The following DMGDH variants were observed in gnomAD, a reference collection of about 807,000 sequenced individuals.
DMGDH encodes the protein dimethylglycine dehydrogenase, also known as dimethylglycine dehydrogenase, mitochondrial.
DMGDH carries 76 observed loss-of-function variants against 95.2 expected under a neutral mutation model. The observed-to-expected ratio is 0.80, with a 90% CI of 0.66 to 0.97. DMGDH has a LOEUF of 0.97. Ranked by LOEUF, DMGDH falls within the 50% of genes least tolerant of loss-of-function variation. DMGDH has a pLI of 0.00. For synonymous variants in DMGDH, 345 were observed against 377.6 expected, an observed-to-expected ratio of 0.91 and a Z score of 1.00; for missense variants, 987 against 1,055.0, an observed-to-expected ratio of 0.94 and a Z score of 0.89.
At chr5:79,044,216 G>A (rs1418278280) in intron 6 of DMGDH, 88 bp downstream of exon 6, 5 of 1,580,212 alleles carry the variant, frequency 3.2e-6, no homozygotes, top group Non-Finnish European at 4.3e-6. Context: ...GTATTATGTT[G>A]TTGTCTTATT....
chr5:79,064,755 CT>C (rs202161601), intron 1 of DMGDH, among the ~76,000 whole-genome samples: 30 of 149,606 alleles, frequency 2.0e-4, no homozygotes, highest in Non-Finnish European at 3.6e-4. Context: ...ACTTTTCAAA[CT>C]TTTTTTTTTC....
At chr5:79,016,429 T>C (rs1163588791) in intron 14 of DMGDH, among the ~76,000 whole-genome samples, 1 of 152,164 alleles carries the variant, frequency 6.6e-6, no homozygotes, top group Admixed American at 6.5e-5. Context: ...AGACCAATTG[T>C]ATTTCTATAA....
chr5:79,045,467 G>T (rs1754644256), intron 5 of DMGDH, among the ~76,000 whole-genome samples: 1 of 152,250 alleles, frequency 6.6e-6, no homozygotes. Context: ...AGGCTAGTAG[G>T]GTAAGACATG....
chr5:79,021,642 C>T lies in DMGDH; in HGVS notation c.2250+2629G>A, dbSNP rs184180398. The T allele has an allele frequency of 3.0e-6, 4 of 1,318,198 alleles. No individual in the cohort carries two copies. The Admixed American group carries it at 6.3e-5, about 21-fold the overall frequency. 81.7% of individuals were successfully genotyped at this position (1,318,198 alleles called of 1,614,324 possible). A position where few individuals can be genotyped will look rare whatever the true frequency, so the allele number is the denominator to read the frequency against. ...CTGATGGCCCATCTGCTCACCCAGC[C>T]ATTTTCCTCCTTAAAATGGGCAAAG... is the stretch of plus-strand genomic sequence containing the variant. On this transcript the variant is annotated intron_variant, in intron 14 of 15. Coordinates refer to ENST00000255189, the MANE Select transcript of DMGDH (RefSeq NM_013391.3).
At chr5:79,042,228 T>G (rs1282883996) in intron 7 of DMGDH, 55 bp downstream of exon 7, 7 of 1,527,260 alleles carry the variant, frequency 4.6e-6, no homozygotes, top group Non-Finnish European at 6.3e-6. Flanking sequence ...TGGAACTAGA[T>G]TTAGCTAAAA....
At chr5:79,029,062 C>A (rs1045048972) in intron 11 of DMGDH, among the ~76,000 whole-genome samples, 1 of 152,194 alleles carries the variant, frequency 6.6e-6, no homozygotes, top group African/African-American at 2.4e-5. Context: ...GTGCCTGCCA[C>A]AAGACACGTA....
In DMGDH at chr5:79,054,202, A is replaced by G. The variant is rs776700307; in HGVS notation, c.522T>C (p.Pro174=). 1 of 1,614,106 alleles carries G rather than the reference A, an allele frequency of 6.2e-7. No homozygotes were observed. Among genetic ancestry groups the G allele is most frequent in the Non-Finnish European group, 8.5e-7 (1 of 1,179,996 alleles). Residue 174 remains proline (P), a synonymous_variant, in exon 4 of 16, where the codon CCT becomes CCC. Coordinates refer to ENST00000255189, the MANE Select transcript of DMGDH (RefSeq NM_013391.3). ...TAAATACCTTATTCATGTTGAGTAA[A>G]GGGAACATCTCTTGAATTTTTTCAG... The part of the protein sequence containing the change: ...IEPEKIQEMF[P]LLNMNKVLAG...
At chr5:79,042,883 T>C (rs570396469) in intron 6 of DMGDH, among the ~76,000 whole-genome samples, 1 of 152,266 alleles carries the variant, frequency 6.6e-6, no homozygotes, top group Non-Finnish European at 1.5e-5. Flanking sequence ...TACAAAGTCA[T>C]GGCAGAATAC....
At chr5:79,033,502 T>G in intron 7 of DMGDH, 94 bp from the exon 8 acceptor site, 8 of 1,423,528 alleles carry the variant, frequency 5.6e-6, no homozygotes, top group Non-Finnish European at 7.9e-6. Context: ...AAAGTTGGAC[T>G]GTTCTGTGCT....
chr5:79,015,091 C>G (rs6860801), intron 14 of DMGDH, among the ~76,000 whole-genome samples: 48,252 of 151,932 alleles, frequency 0.32, 8,189 homozygotes, highest in African/African-American at 0.43. Context: ...GCTCAGATGC[C>G]TTCTGGGACT....
rs759067677 is a variant in DMGDH, at chr5:79,044,533, T to C, written c.765A>G (p.Val255=). The C allele has an allele frequency of 6.2e-7, 1 of 1,614,136 alleles. No homozygotes were observed. Among genetic ancestry groups the C allele is most frequent in the Non-Finnish European group, 8.5e-7 (1 of 1,180,020 alleles). The change falls in exon 6 of 16, where the codon GTA becomes GTG. Residue 255 remains valine (V), a synonymous_variant. Transcript: ENST00000255189. ...GATGTTCTAGTCCAATCATTTTACC[T>C]ACTTCACGAGCCCAAAATCCTTAAA... ...VNAAGFWARE[V]GKMIGLEHPL...
chr5:79,065,644 G>A (rs1487352264), intron 1 of DMGDH, among the ~76,000 whole-genome samples: 1 of 152,212 alleles, frequency 6.6e-6, no homozygotes, highest in Non-Finnish European at 1.5e-5. Flanking sequence ...TTAAAGTATA[G>A]TGTAGTAAAT....
chr5:79,055,138 C>T (rs560485410), intron 3 of DMGDH, among the ~76,000 whole-genome samples: 1 of 152,272 alleles, frequency 6.6e-6, no homozygotes, highest in South Asian at 2.1e-4. Flanking sequence ...CAGCACATTC[C>T]AAAACTATAT....
At chr5:79,003,556 G>A (rs1399134543) in intron 15 of DMGDH, among the ~76,000 whole-genome samples, 8 of 152,198 alleles carry the variant, frequency 5.3e-5, no homozygotes, top group Non-Finnish European at 1.0e-4. Flanking sequence ...CAGGCTTACA[G>A]ACAGGCGAAG....
chr5:79,013,756 G>A (rs1159209997), intron 14 of DMGDH, among the ~76,000 whole-genome samples: 1 of 152,172 alleles, frequency 6.6e-6, no homozygotes, highest in African/African-American at 2.4e-5. Context: ...GAGCTGGCAT[G>A]TCTTACATGG....
chr5:79,030,516 C>T (rs1305328956), intron 10 of DMGDH: 2 of 301,260 alleles, frequency 6.6e-6, no homozygotes, highest in Non-Finnish European at 1.3e-5. Flanking sequence ...CATGGTGGCA[C>T]ATGCCTGTAG....
chr5:79,049,781 AT>A (rs544030199), intron 5 of DMGDH, among the ~76,000 whole-genome samples: 121 of 152,284 alleles, frequency 7.9e-4, no homozygotes, highest in Non-Finnish European at 1.4e-3. Flanking sequence ...CACTGCTCTT[AT>A]TTTTTAGGCA....
Position 79,032,429 on chromosome 5 carries a change from G to A in DMGDH, c.1517+258C>T, listed in dbSNP as rs55994732. Among the ~76,000 whole-genome samples the A allele has an allele frequency of 3.9e-4, 60 of 152,312 alleles. 1 individual carries two copies. Among genetic ancestry groups the A allele is most frequent in the African/African-American group, 1.4e-3 (57 of 41,564 alleles). On this transcript the variant is annotated intron_variant, in intron 9 of 15. Transcript: ENST00000255189. ...TGGAGGGCGGTCGCAAGTTTCTTCC[G>A]AGCATCTGGTAAATGCCAAGAGGCT...
intron 2 of DMGDH, among the ~76,000 whole-genome samples, chr5:79,063,040 C>T (rs951025220): frequency 6.6e-6 from 1 of 151,730 alleles, no homozygotes; most frequent in African/African-American, 2.4e-5. Flanking sequence ...TGCAGTGAGC[C>T]GAGATCGCGC....
Sources: gnomAD v4.1 joint callset for allele counts (sites outside exome capture counted in the v4.1 genomes callset) on GRCh38, gnomAD v4.1.1 for gene constraint, MANE v1.5 for transcripts, NCBI Gene and HGNC (gene_info 2026-07-23, HGNC 2026-07-21) for gene names.